EPSTI1: variants seen among roughly 807,000 people sequenced by gnomAD.
EPSTI1 encodes epithelial stromal interaction 1.
Under a neutral mutation model 49.9 loss-of-function variants are expected in EPSTI1, and 66 were observed. That is an observed-to-expected ratio of 1.32 (90% CI 1.08 to 1.62). The LOEUF (loss-of-function observed/expected upper bound fraction) is 1.62, where lower values mean the gene tolerates loss of function less well. EPSTI1 is among the 40% of genes most tolerant of loss of function. The pLI is 0.00. For synonymous variants in EPSTI1, 137 were observed against 130.7 expected, an observed-to-expected ratio of 1.05 and a Z score of -0.33; for missense variants, 394 against 365.5, an observed-to-expected ratio of 1.08 and a Z score of -0.64.
At chr13:42,946,259 C>A (rs947418139) in intron 6 of EPSTI1, among the ~76,000 whole-genome samples, 2 of 152,152 alleles carry the variant, frequency 1.3e-5, no homozygotes, top group Non-Finnish European at 2.9e-5. Flanking sequence ...AAAGAAGATG[C>A]ATGGTTTCAA....
At chr13:42,899,264 T>C (rs950456842) in intron 9 of EPSTI1, among the ~76,000 whole-genome samples, 1 of 151,976 alleles carries the variant, frequency 6.6e-6, no homozygotes, top group Non-Finnish European at 1.5e-5. Context: ...TATGGCCTAC[T>C]TTATAATAAA....
chr13:42,891,831 A>G (rs1390200527), intron 10 of EPSTI1, among the ~76,000 whole-genome samples: 2 of 152,230 alleles, frequency 1.3e-5, no homozygotes, highest in Admixed American at 6.5e-5. Context: ...TGGAACATAC[A>G]TCACCACAGG....
intron 8 of EPSTI1, among the ~76,000 whole-genome samples, chr13:42,910,669 CTCT>C (rs1205239990): frequency 1.3e-5 from 2 of 152,134 alleles, no homozygotes; most frequent in Non-Finnish European, 2.9e-5. Context: ...ATTAGAAAAG[CTCT>C]TTTATTTTTA....
intron 5 of EPSTI1, among the ~76,000 whole-genome samples, chr13:42,956,355 A>G (rs1199555216): frequency 6.6e-6 from 1 of 152,206 alleles, no homozygotes; most frequent in African/African-American, 2.4e-5. Flanking sequence ...ACCAAATAAA[A>G]GGATAAATAC....
intron 6 of EPSTI1, among the ~76,000 whole-genome samples, chr13:42,940,599 G>A (rs566712575): frequency 6.6e-6 from 1 of 152,210 alleles, no homozygotes; most frequent in South Asian, 2.1e-4. Context: ...TAAGAGACAG[G>A]GTCTCCCCTG....
At chr13:42,939,507 G>C (rs1331040529) in intron 6 of EPSTI1, among the ~76,000 whole-genome samples, 1 of 152,184 alleles carries the variant, frequency 6.6e-6, no homozygotes, top group Non-Finnish European at 1.5e-5. Context: ...CAGTATTGTT[G>C]TGTCTCAGGT....
rs549482627 is a variant in EPSTI1 at position 42,970,608 on chromosome 13, ATACT to A, written c.247_247+3del. 6.8e-6 allele frequency: 11 copies of A among 1,607,384 alleles called. No individual in the cohort carries two copies. In the South Asian group the frequency reaches 1.0e-4, roughly 15 times the overall value. ...CTGAATGTTAAATGAATGACTATACATACTTCTTTGTATCTCATTTCTCCGGTTT... is the reference window on the plus strand; with the variant it reads ...CTGAATGTTAAATGAATGACTATACATCTTTGTATCTCATTTCTCCGGTTT... On this transcript the variant is annotated splice_donor_variant and splice_donor_region_variant and coding_sequence_variant and intron_variant, in exon 2 of 11. Coordinates refer to ENST00000313624, the MANE Select transcript of EPSTI1 (RefSeq NM_033255.5). LOFTEE classifies it high-confidence loss of function.
At chr13:42,902,474 T>A (rs2037388950) in intron 8 of EPSTI1, among the ~76,000 whole-genome samples, 2 of 152,198 alleles carry the variant, frequency 1.3e-5, no homozygotes, top group Non-Finnish European at 2.9e-5. Flanking sequence ...AATTTTGGCT[T>A]ATATCTTTGC....
At chr13:42,911,337 G>T (rs2037680963) in intron 8 of EPSTI1, among the ~76,000 whole-genome samples, 1 of 152,126 alleles carries the variant, frequency 6.6e-6, no homozygotes. Context: ...CATGGGGATA[G>T]TGAAATAAAC....
At position 42,917,556 on chromosome 13, in the gene EPSTI1, A is replaced by G; in HGVS notation, c.726T>C (p.Asp242=). 1 of 1,586,852 alleles carries G rather than the reference A, an allele frequency of 6.3e-7. No individual in the cohort carries two copies. Among genetic ancestry groups the G allele is most frequent in the Non-Finnish European group, 8.6e-7 (1 of 1,163,102 alleles). The part of the protein sequence containing the change: ...EENRKLQKMK[D]EQHQKSELLE... ...TTGTAAGTACCTTTTGATGTTGTTC[A>G]TCCTTCATCTTTTGCAATTTTCTGT... Residue 242 remains aspartate, a synonymous_variant, in exon 8 of 11, where the codon GAT becomes GAC. Coordinates refer to ENST00000313624, the MANE Select transcript of EPSTI1 (RefSeq NM_033255.5).
chr13:42,919,083 A>G (rs7983172), intron 7 of EPSTI1, among the ~76,000 whole-genome samples: 143,065 of 152,192 alleles, frequency 0.94, 67,719 homozygotes, highest in Non-Finnish European at 1. Context: ...CTTGAATGAG[A>G]GTATCTAAAT....
chr13:42,911,986 A>C (rs2037699358), intron 8 of EPSTI1, among the ~76,000 whole-genome samples: 2 of 152,046 alleles, frequency 1.3e-5, no homozygotes, highest in African/African-American at 4.8e-5. Flanking sequence ...TATGTGTTCT[A>C]TAATAATAAT....
intron 6 of EPSTI1, among the ~76,000 whole-genome samples, chr13:42,942,956 G>C (rs1182133163): frequency 4.6e-5 from 7 of 152,026 alleles, no homozygotes; most frequent in African/African-American, 1.4e-4. Context: ...CCAAAGTGCT[G>C]GGATTACAGG....
intron 8 of EPSTI1, among the ~76,000 whole-genome samples, chr13:42,900,708 A>T (rs1290204994): frequency 6.6e-6 from 1 of 152,074 alleles, no homozygotes; most frequent in Non-Finnish European, 1.5e-5. Context: ...ACAGAGAACA[A>T]CAAATCAAAT....
At chr13:42,912,337 A>C (rs7984001) in intron 8 of EPSTI1, among the ~76,000 whole-genome samples, 4 of 152,066 alleles carry the variant, frequency 2.6e-5, no homozygotes, top group Non-Finnish European at 5.9e-5. Context: ...TCCCTCCCAC[A>C]CTTGCACTAC....
chr13:42,915,395 T>C (rs2037800456), intron 8 of EPSTI1, among the ~76,000 whole-genome samples: 1 of 152,062 alleles, frequency 6.6e-6, no homozygotes, highest in Non-Finnish European at 1.5e-5. Context: ...AGCTGGGTGA[T>C]AGTGGCATGC....
At chr13:42,953,184 T>A (rs2039153061) in intron 6 of EPSTI1, among the ~76,000 whole-genome samples, 1 of 152,088 alleles carries the variant, frequency 6.6e-6, no homozygotes, top group Non-Finnish European at 1.5e-5. Context: ...CAGGCACTTT[T>A]ATGTCATTTA....
chr13:42,908,761 CA>C (rs1227452135), intron 8 of EPSTI1, among the ~76,000 whole-genome samples: 3 of 151,800 alleles, frequency 2.0e-5, no homozygotes, highest in Non-Finnish European at 2.9e-5. Flanking sequence ...AACTCAATAG[CA>C]AGAGAACAAA....
chr13:42,901,463 CTAA>C (rs1244352451), intron 8 of EPSTI1, among the ~76,000 whole-genome samples: 3 of 152,146 alleles, frequency 2.0e-5, no homozygotes, highest in African/African-American at 7.2e-5. Flanking sequence ...CTATATAACA[CTAA>C]TAAGGGGAAA....
Sources: gnomAD v4.1 joint callset for allele counts (sites outside exome capture counted in the v4.1 genomes callset) on GRCh38, gnomAD v4.1.1 for gene constraint, MANE v1.5 for transcripts, NCBI Gene and HGNC (gene_info 2026-07-23, HGNC 2026-07-21) for gene names.